The following METTL25 variants were observed in gnomAD, a reference collection of about 807,000 sequenced individuals.
The protein encoded by METTL25 is methyltransferase like 25.
Under a neutral mutation model 71.6 loss-of-function variants are expected in METTL25, and 64 were observed. The ratio of observed to expected loss-of-function variants is 0.89; its 90% CI spans 0.73 to 1.10. METTL25 has a LOEUF of 1.10. Among genes scored for constraint, METTL25 ranks in the 50% least tolerant of loss-of-function variants. The pLI is 0.00. For synonymous variants in METTL25, 287 were observed against 250.3 expected, an observed-to-expected ratio of 1.15 and a Z score of -1.38; for missense variants, 807 against 707.0, an observed-to-expected ratio of 1.14 and a Z score of -1.60.
chr12:82,442,166 TA>T (rs1255481674), intron 8 of METTL25, among the ~76,000 whole-genome samples: 17 of 152,042 alleles, frequency 1.1e-4, no homozygotes, highest in African/African-American at 3.6e-4. Context: ...AGTAACAAGG[TA>T]ACCCCTATCA....
chr12:82,362,121 C>A (rs1882015529), intron 1 of METTL25, among the ~76,000 whole-genome samples: 1 of 152,164 alleles, frequency 6.6e-6, no homozygotes. Context: ...CTCAGTGTGT[C>A]CATTTCAGTA....
intron 5 of METTL25, among the ~76,000 whole-genome samples, chr12:82,412,754 T>G (rs1887649720): frequency 6.6e-6 from 1 of 152,076 alleles, no homozygotes; most frequent in Non-Finnish European, 1.5e-5. Context: ...AAAAGAATAT[T>G]TATGTCCTTT....
intron 8 of METTL25, among the ~76,000 whole-genome samples, chr12:82,449,707 C>A (rs772775023): frequency 2.0e-5 from 3 of 152,044 alleles, no homozygotes; most frequent in Admixed American, 6.6e-5. Context: ...TATTTCTACT[C>A]CTCTGCTACC....
chr12:82,403,899 C>T (rs1886855795), intron 5 of METTL25, among the ~76,000 whole-genome samples: 1 of 151,974 alleles, frequency 6.6e-6, no homozygotes, highest in Non-Finnish European at 1.5e-5. Context: ...TATCTGTGTC[C>T]TTGCTAAGAG....
chr12:82,380,053 T>C (rs1884275451), intron 1 of METTL25, among the ~76,000 whole-genome samples: 1 of 152,200 alleles, frequency 6.6e-6, no homozygotes, highest in Non-Finnish European at 1.5e-5. Context: ...GTTGATCCAA[T>C]TGTTAGGACA....
intron 9 of METTL25, among the ~76,000 whole-genome samples, chr12:82,457,515 G>T (rs1469468910): frequency 6.6e-6 from 1 of 151,748 alleles, no homozygotes; most frequent in African/African-American, 2.4e-5. Context: ...AAGCTAAAGG[G>T]TATTATTATT....
chr12:82,358,561 G>A lies in METTL25; in HGVS notation c.-5G>A, dbSNP rs757050738. On this transcript the variant is annotated 5_prime_UTR_variant, in exon 1 of 12. Transcript: ENST00000248306. ...CGCCACCTACAGCCTCGGAGGGTGA[G>A]CGTCATGGCGGCTTCTTGCCCTCTC... is the stretch of plus-strand genomic sequence containing the variant. 6 of 1,609,186 alleles carry A rather than the reference G, an allele frequency of 3.7e-6. 1 individual carries two copies. The South Asian group carries it at 6.6e-5, about 18-fold the overall frequency.
chr12:82,445,675 C>T (rs1890685536), intron 8 of METTL25, among the ~76,000 whole-genome samples: 1 of 151,972 alleles, frequency 6.6e-6, no homozygotes, highest in East Asian at 1.9e-4. Flanking sequence ...GAAGTGCTCC[C>T]GATATGCAGA....
rs1327168853 is a variant in METTL25 at position 82,402,937 on chromosome 12, C to T, written c.1132-46C>T. Reference sequence around the variant, plus strand: ...AAAATAAATAAAAATTTTAAACAACCCTCTTTTTAATTACCAAATTTTATT... The same window carrying T: ...AAAATAAATAAAAATTTTAAACAACTCTCTTTTTAATTACCAAATTTTATT... On this transcript the variant is annotated intron_variant, in intron 4 of 11. Coordinates refer to ENST00000248306, the MANE Select transcript of METTL25 (RefSeq NM_032230.3). 4 of 1,421,504 alleles carry T rather than the reference C, an allele frequency of 2.8e-6. No homozygotes were observed. In the African/African-American group the frequency reaches 4.4e-5, roughly 16 times the overall value. The allele number at this position is 1,421,504 out of a possible 1,614,324, so 88.1% of individuals were successfully genotyped here.
At chr12:82,395,763 C>T (rs1345820934) in intron 3 of METTL25, among the ~76,000 whole-genome samples, 2 of 152,018 alleles carry the variant, frequency 1.3e-5, no homozygotes, top group Non-Finnish European at 2.9e-5. Context: ...TGTCTTCAAA[C>T]CTATAATGTA....
At chr12:82,384,836 A>G (rs1462143300) in intron 1 of METTL25, among the ~76,000 whole-genome samples, 1 of 152,112 alleles carries the variant, frequency 6.6e-6, no homozygotes, top group Non-Finnish European at 1.5e-5. Context: ...ATAGCTAACT[A>G]TTATAATGGT....
At chr12:82,476,784 T>C in intron 10 of METTL25, 66 bp downstream of exon 10, 3 of 1,005,994 alleles carry the variant, frequency 3.0e-6, no homozygotes, top group Non-Finnish European at 4.5e-6. Flanking sequence ...TCCTATTAAA[T>C]TTTATTATGG....
chr12:82,396,652 C>T (rs1191584664), intron 3 of METTL25, among the ~76,000 whole-genome samples: 1 of 151,848 alleles, frequency 6.6e-6, no homozygotes, highest in Non-Finnish European at 1.5e-5. Flanking sequence ...TTTAAATATT[C>T]ACCAACTCTA....
At chr12:82,428,667 G>A (rs1252951942) in intron 5 of METTL25, among the ~76,000 whole-genome samples, 4 of 151,810 alleles carry the variant, frequency 2.6e-5, no homozygotes, top group African/African-American at 9.7e-5. Flanking sequence ...TAGCATGAGT[G>A]TTTAAGAGCA....
chr12:82,363,711 A>G (rs2136803922), intron 1 of METTL25, among the ~76,000 whole-genome samples: 1 of 135,390 alleles, frequency 7.4e-6, no homozygotes, highest in African/African-American at 2.7e-5. Context: ...CCATTTTTCA[A>G]CTAAAAAAAA....
At chr12:82,413,474 G>A (rs1034598357) in intron 5 of METTL25, among the ~76,000 whole-genome samples, 2 of 152,058 alleles carry the variant, frequency 1.3e-5, no homozygotes, top group African/African-American at 4.8e-5. Context: ...TACATTCCAA[G>A]CATAGAGAGA....
At chr12:82,401,722 T>A (rs900288609) in intron 4 of METTL25, among the ~76,000 whole-genome samples, 1 of 152,062 alleles carries the variant, frequency 6.6e-6, no homozygotes, top group Non-Finnish European at 1.5e-5. Flanking sequence ...CTAAAATTAG[T>A]TGATGAGTAA....
At chr12:82,450,474 A>T (rs547485957) in intron 8 of METTL25, among the ~76,000 whole-genome samples, 2 of 152,158 alleles carry the variant, frequency 1.3e-5, no homozygotes, top group African/African-American at 4.8e-5. Flanking sequence ...CACCCAGATT[A>T]TTTTAATAAT....
intron 3 of METTL25, among the ~76,000 whole-genome samples, chr12:82,397,631 CAAA>C (rs1886195268): frequency 6.6e-6 from 1 of 151,882 alleles, no homozygotes; most frequent in Admixed American, 6.6e-5. Flanking sequence ...TTGTAGCAGA[CAAA>C]AATTTTTTTT....
Sources: gnomAD v4.1 joint callset for allele counts (sites outside exome capture counted in the v4.1 genomes callset) on GRCh38, gnomAD v4.1.1 for gene constraint, MANE v1.5 for transcripts, NCBI Gene and HGNC (gene_info 2026-07-23, HGNC 2026-07-21) for gene names.